Variants in ENTR1 observed in about 807,000 individuals in gnomAD.
ENTR1 encodes endosome associated trafficking regulator 1.
A neutral mutation model predicts 47.9 loss-of-function variants in ENTR1; 47 were observed. The ratio of observed to expected loss-of-function variants is 0.98; its 90% CI spans 0.78 to 1.25. The LOEUF (loss-of-function observed/expected upper bound fraction) is 1.25, where lower values mean the gene tolerates loss of function less well. Ranked by LOEUF, ENTR1 falls within the 50% of genes most tolerant of loss-of-function variation. The pLI, the probability that ENTR1 is intolerant of heterozygous loss-of-function variation, is 0.00. For missense variants in ENTR1, 668 were observed against 570.5 expected (o/e 1.17, Z -1.74); for synonymous variants, 290 against 245.8 (o/e 1.18, Z -1.68).
intron 7 of ENTR1, 173 bp from the exon 8 acceptor site, chr9:136,404,866 T>G (rs1201426330): frequency 5.7e-6 from 4 of 697,460 alleles, no homozygotes; most frequent in African/African-American, 5.4e-5. Flanking sequence ...TGGGAAGGGC[T>G]CATCGTGCAG....
intron 9 of ENTR1, among the ~76,000 whole-genome samples, chr9:136,403,502 G>A (rs1834613327): frequency 6.6e-6 from 1 of 151,640 alleles, no homozygotes; most frequent in African/African-American, 2.4e-5. Context: ...AGAAAGGGAG[G>A]GGCTGGGGGA....
intron 7 of ENTR1, 152 bp downstream of exon 7, chr9:136,404,939 A>G: frequency 1.4e-6 from 1 of 698,672 alleles, no homozygotes; most frequent in Admixed American, 2.5e-5. Flanking sequence ...CCCCAGGCAC[A>G]GCGAGACAGC....
chr9:136,406,729 G>A (rs1171444965), intron 5 of ENTR1, among the ~76,000 whole-genome samples: 1 of 151,890 alleles, frequency 6.6e-6, no homozygotes, highest in Non-Finnish European at 1.5e-5. Flanking sequence ...CACCCACCTC[G>A]GCCTCCCAAA....
At chr9:136,404,975 G>C in intron 7 of ENTR1, 116 bp downstream of exon 7, 1 of 826,484 alleles carries the variant, frequency 1.2e-6, no homozygotes, top group Non-Finnish European at 2.0e-6. Context: ...CAGTCCCAGA[G>C]AGCCACATGG....
intron 5 of ENTR1, among the ~76,000 whole-genome samples, chr9:136,406,366 G>A (rs1455472061): frequency 6.6e-6 from 1 of 152,012 alleles, no homozygotes; most frequent in Non-Finnish European, 1.5e-5. Flanking sequence ...CTACTCGGGT[G>A]GCTGAAGCAG....
chr9:136,403,418 GGGAAGAA>G, intron 9 of ENTR1, among the ~76,000 whole-genome samples: 1 of 110,876 alleles, frequency 9.0e-6, no homozygotes, highest in Non-Finnish European at 2.0e-5. Context: ...GGGTTTGCCG[GGGAAGAA>G]AGGGACAGGG....
chr9:136,407,458 C>G lies in ENTR1; in HGVS notation c.506G>C (p.Gly169Ala). 18 of 1,611,150 alleles carry G rather than the reference C, an allele frequency of 1.1e-5. No individual in the cohort carries two copies. The highest frequency in any genetic ancestry group is 1.5e-5 in the Non-Finnish European group (18 of 1,179,888). Residue 169 changes from glycine to alanine, a missense_variant, in exon 5 of 10, where the codon GGG becomes GCG. Transcript: ENST00000357365. Reference protein sequence around the residue: ...YQQPFFEDPTGAGDLLDEEED... With the variant: ...YQQPFFEDPTAAGDLLDEEED... ...CTCCTCATCCAGGAGGTCACCAGCC[C>G]CTGTCGGATCCTCGAAAAATGGCTG...
Position 136,410,320 on chromosome 9 carries a change from C to T in ENTR1, c.70+8G>A. 2 of 1,548,356 alleles carry T rather than the reference C, an allele frequency of 1.3e-6. No homozygotes were observed. Among genetic ancestry groups the T allele is most frequent in the Non-Finnish European group, 1.7e-6 (2 of 1,146,412 alleles). On this transcript the variant is annotated splice_region_variant and intron_variant, in intron 1 of 9. Transcript: ENST00000357365. ...TGGACCGCTGGACTCGGCCCCTGCCCCGCTCACCGTCGGGAATGGCGAGGC... is the reference window on the plus strand; with the variant it reads ...TGGACCGCTGGACTCGGCCCCTGCCTCGCTCACCGTCGGGAATGGCGAGGC...
At chr9:136,403,939 T>G in intron 9 of ENTR1, 116 bp downstream of exon 9, 2 of 1,263,234 alleles carry the variant, frequency 1.6e-6, no homozygotes, top group Non-Finnish European at 2.2e-6. Context: ...TCCCTGCAGC[T>G]CCCTGGTCCT....
intron 9 of ENTR1, 71 bp downstream of exon 9, chr9:136,403,984 A>AG: frequency 6.7e-7 from 1 of 1,488,954 alleles, no homozygotes; most frequent in Non-Finnish European, 9.0e-7. Context: ...GCCCCCACCC[A>AG]GGATCACTGA....
chr9:136,410,209 A>T lies in ENTR1; in HGVS notation c.101T>A (p.Leu34His). The T allele has an allele frequency of 6.3e-7, 1 of 1,596,444 alleles. No individual in the cohort carries two copies. The highest frequency in any genetic ancestry group is 8.5e-7 in the Non-Finnish European group (1 of 1,172,750). The change falls in exon 2 of 10, where the codon CTC becomes CAC. Residue 34 changes from leucine (L) to histidine (H), a missense_variant. Coordinates refer to ENST00000357365, the MANE Select transcript of ENTR1 (RefSeq NM_001039707.2). ...APAFYERRSC[L>H]PQLNCERPHG... ...GGGGCGCTCACAATTTAGCTGGGGG[A>T]GACAAGACCGGCGCTCATAGAACGC...
chr9:136,406,876 C>A, intron 5 of ENTR1: 1 of 373,374 alleles, frequency 2.7e-6, no homozygotes, highest in East Asian at 4.0e-5. Flanking sequence ...CTGGCGACTG[C>A]AGCCTGCCTT....
intron 3 of ENTR1, among the ~76,000 whole-genome samples, chr9:136,408,482 G>A (rs1834893767): frequency 6.6e-6 from 1 of 152,058 alleles, no homozygotes; most frequent in African/African-American, 2.4e-5. Context: ...GGAGGCTGAG[G>A]CAGGAGAATG....
chr9:136,410,485 C>G lies in ENTR1; in HGVS notation c.-88G>C. ...TCCGCCCGTGCCGCGGCCCGCGTCG[C>G]CCGCCCCCGTCGCCCGCCCCCGTCG... On this transcript the variant is annotated 5_prime_UTR_variant, in exon 1 of 10. Coordinates refer to ENST00000357365, the MANE Select transcript of ENTR1 (RefSeq NM_001039707.2). 1.0e-6 allele frequency: 1 copy of G among 970,214 alleles called. No individual in the cohort carries two copies. Among genetic ancestry groups the G allele is most frequent in the African/African-American group, 1.8e-5 (1 of 56,698 alleles). The allele number at this position is 970,214 out of a possible 1,614,324, so 60.1% of individuals were successfully genotyped here. A position where few individuals can be genotyped will look rare whatever the true frequency, so the allele number is the denominator to read the frequency against.
chr9:136,404,671 T>A lies in ENTR1; in HGVS notation c.1028A>T (p.Asn343Ile), dbSNP rs778744763. Residue 343 changes from asparagine (N) to isoleucine (I), a missense_variant, in exon 8 of 10, where the codon AAC becomes ATC. Coordinates refer to ENST00000357365, the MANE Select transcript of ENTR1 (RefSeq NM_001039707.2). Reference sequence around the variant, plus strand: ...TTCCTGTTTTAGTTTCACGACGTGGTTTTCTGCCTTTACAGCCCGTTTCTG... The same window carrying A: ...TTCCTGTTTTAGTTTCACGACGTGGATTTCTGCCTTTACAGCCCGTTTCTG... ...LMTKRAVKAE[N>I]HVVKLKQEIS... 3 of 1,614,080 alleles carry A rather than the reference T, an allele frequency of 1.9e-6. No individual in the cohort carries two copies. The highest frequency in any genetic ancestry group is 2.5e-6 in the Non-Finnish European group (3 of 1,180,024).
chr9:136,403,707 G>C (rs1564404758), intron 9 of ENTR1, among the ~76,000 whole-genome samples: 1 of 152,084 alleles, frequency 6.6e-6, no homozygotes, highest in East Asian at 1.9e-4. Flanking sequence ...ACAGCAGTAA[G>C]GGCCTTCTGG....
At chr9:136,407,104 G>C (rs368493343) in intron 5 of ENTR1, 41 bp downstream of exon 5, 1 of 1,535,546 alleles carries the variant, frequency 6.5e-7, no homozygotes, top group South Asian at 1.3e-5. Context: ...GAAGCCGCTC[G>C]GACAGGCGCT....
At position 136,404,291 on chromosome 9, in the gene ENTR1, G is replaced by A. The variant is rs1035495514; in HGVS notation, c.1069-97C>T. On this transcript the variant is annotated intron_variant, in intron 8 of 9. Transcript: ENST00000357365. The stretch of plus-strand genomic sequence containing the variant: ...GCGAGGGCTTACCCGTGGGGGCCTG[G>A]CACTCAAGATGCATGCTCTGGCCTA... 3 of 1,491,454 alleles carry A rather than the reference G, an allele frequency of 2.0e-6. No homozygotes were observed. In the African/African-American group the frequency reaches 4.2e-5, roughly 21 times the overall value. The allele number at this position is 1,491,454 out of a possible 1,614,324, so 92.4% of individuals were successfully genotyped here.
In ENTR1 at chr9:136,407,444, G is replaced by A; in HGVS notation, c.520C>T (p.Leu174=). 7 of 1,610,500 alleles carry A rather than the reference G, an allele frequency of 4.3e-6. No individual in the cohort carries two copies. The highest frequency in any genetic ancestry group is 5.9e-6 in the Non-Finnish European group (7 of 1,179,782). The change falls in exon 5 of 10, where the codon CTG becomes TTG. Residue 174 remains leucine (L), a synonymous_variant. Coordinates refer to ENST00000357365, the MANE Select transcript of ENTR1 (RefSeq NM_001039707.2). ...GTGTCCTCATCCTCCTCCTCATCCA[G>A]GAGGTCACCAGCCCCTGTCGGATCC... ...FEDPTGAGDL[L]DEEEDEDTGW...
Sources: gnomAD v4.1 joint callset for allele counts (sites outside exome capture counted in the v4.1 genomes callset) on GRCh38, gnomAD v4.1.1 for gene constraint, MANE v1.5 for transcripts, NCBI Gene and HGNC (gene_info 2026-07-23, HGNC 2026-07-21) for gene names.